STK3: variants seen among roughly 807,000 people sequenced by gnomAD.
The protein encoded by STK3 is serine/threonine-protein kinase 3.
A neutral mutation model predicts 58.0 loss-of-function variants in STK3; 41 were observed. The ratio of observed to expected loss-of-function variants is 0.71; its 90% CI spans 0.55 to 0.92. The LOEUF (loss-of-function observed/expected upper bound fraction) is 0.92. Among genes scored for constraint, STK3 ranks in the 40% least tolerant of loss-of-function variants. The pLI, the probability that STK3 is intolerant of heterozygous loss-of-function variation, is 0.00. For missense variants in STK3, 479 were observed against 602.7 expected (o/e 0.79, Z 2.15); for synonymous variants, 170 against 191.0 (o/e 0.89, Z 0.91).
rs56187203 is a variant in STK3 at position 98,915,432 on chromosome 8, CTATATATATATATATATATATATATA to C, written c.-79+26920_-79+26945del. 2.8e-4 allele frequency among the ~76,000 whole-genome samples: 27 copies of C among 94,752 alleles called. 2 individuals carry two copies. The highest frequency in any genetic ancestry group is 1.0e-3 in the African/African-American group (18 of 17,876). The allele number at this position is 94,752 out of a possible 152,430, so 62.2% of individuals were successfully genotyped here. ...GTGAGTTAATACTTAATAAACTTTC[CTATATATATATATATATATATATATA>C]TATATATATATAGTTCTGTCCTCTA... On this transcript the variant is annotated intron_variant, in intron 1 of 1. Transcript: ENST00000519420.
At chr8:98,436,229 C>A (rs1818484262) in intron 2 of STK3, among the ~76,000 whole-genome samples, 1 of 152,236 alleles carries the variant, frequency 6.6e-6, no homozygotes, top group African/African-American at 2.4e-5. Flanking sequence ...TCTGACCCCT[C>A]CCTCTTCCAT....
At chr8:98,562,474 T>C (rs903786989) in intron 8 of STK3, among the ~76,000 whole-genome samples, 1 of 151,840 alleles carries the variant, frequency 6.6e-6, no homozygotes, top group Non-Finnish European at 1.5e-5. Context: ...GCCAAAACTA[T>C]AAATGGTAAA....
rs574662537 is a variant in STK3, at chr8:98,851,836, ACAGT to A, written c.110+31807_110+31810del. On this transcript the variant is annotated intron_variant, in intron 3 of 12. Coordinates refer to the STK3 transcript ENST00000523601. ...TGTCTTTACAAAAACATTTTTTTAA[ACAGT>A]CAGGCATGGTGGTGCAAACCTGTAG... 1.4e-3 allele frequency among the ~76,000 whole-genome samples: 207 copies of A among 152,190 alleles called. 1 individual carries two copies. The highest frequency in any genetic ancestry group is 4.9e-3 in the African/African-American group (203 of 41,550).
chr8:98,425,049 G>A, intron 3 of STK3, among the ~76,000 whole-genome samples: 1 of 152,138 alleles, frequency 6.6e-6, no homozygotes, highest in East Asian at 1.9e-4. Flanking sequence ...GTGGAAGGGG[G>A]GATTGGAAAA....
At chr8:98,531,483 C>G (rs1826169407) in intron 9 of STK3, among the ~76,000 whole-genome samples, 1 of 152,154 alleles carries the variant, frequency 6.6e-6, no homozygotes. Context: ...GTGCTGCCAT[C>G]CAGGCTTCAT....
intron 3 of STK3, among the ~76,000 whole-genome samples, chr8:98,764,301 G>A (rs1345480001): frequency 6.6e-6 from 1 of 152,044 alleles, no homozygotes; most frequent in Non-Finnish European, 1.5e-5. Flanking sequence ...GATTTCCCTG[G>A]GGTTCCCTCA....
chr8:98,785,158 G>A (rs1832378254), intron 1 of STK3, among the ~76,000 whole-genome samples: 1 of 150,496 alleles, frequency 6.6e-6, no homozygotes, highest in South Asian at 2.1e-4. Flanking sequence ...CCTATGAAGA[G>A]ATCTGGGTAC....
intron 1 of STK3, among the ~76,000 whole-genome samples, chr8:98,788,191 C>A (rs1437085064): frequency 6.6e-6 from 1 of 152,010 alleles, no homozygotes; most frequent in Admixed American, 6.6e-5. Context: ...GGGGTAATCT[C>A]AATACTGGGA....
At chr8:98,696,430 G>T (rs923378390) in intron 6 of STK3, among the ~76,000 whole-genome samples, 64 of 151,410 alleles carry the variant, frequency 4.2e-4, no homozygotes, top group South Asian at 1.3e-3. Flanking sequence ...TCCCTGTCTT[G>T]TGCCAGTTTT....
intron 3 of STK3, among the ~76,000 whole-genome samples, chr8:98,864,176 C>A (rs189102349): frequency 8.3e-6 from 1 of 120,328 alleles, no homozygotes; most frequent in Admixed American, 1.2e-4. Context: ...CCAGCCTGGG[C>A]GACAGAGCGA....
chr8:98,758,933 T>C (rs1247852635), intron 3 of STK3, among the ~76,000 whole-genome samples: 3 of 152,220 alleles, frequency 2.0e-5, no homozygotes, highest in African/African-American at 4.8e-5. Context: ...TCAACCTTCA[T>C]AGAATTGAAG....
chr8:98,596,095 A>G lies in STK3; in HGVS notation c.759T>C (p.Asp253=), dbSNP rs754065361. 1.9e-6 allele frequency: 3 copies of G among 1,613,184 alleles called. No homozygotes were observed. In the African/African-American group the frequency reaches 4.0e-5, roughly 22 times the overall value. ...KPELWSDDFT[D]FVKKCLVKNP... The stretch of plus-strand genomic sequence containing the variant: ...TCTTCACCAAACACTTTTTAACAAA[A>G]TCGGTGAAATCATCGGACCAAAGTT... Residue 253 remains aspartate, a synonymous_variant, in exon 7 of 11, where the codon GAT becomes GAC. Coordinates refer to ENST00000419617, the MANE Select transcript of STK3 (RefSeq NM_006281.4).
At chr8:98,666,119 T>C (rs1476752802) in intron 6 of STK3, among the ~76,000 whole-genome samples, 1 of 151,830 alleles carries the variant, frequency 6.6e-6, no homozygotes, top group Non-Finnish European at 1.5e-5. Context: ...GAAAACTGAC[T>C]CCTCATTCAA....
chr8:98,619,404 G>A lies in STK3; in HGVS notation c.685-23235C>T, dbSNP rs895604279. 6.0e-4 allele frequency among the ~76,000 whole-genome samples: 90 copies of A among 150,604 alleles called. 3 individuals are homozygous for A. The highest frequency in any genetic ancestry group is 2.1e-3 in the African/African-American group (84 of 40,378). ...CATTACCATTCAGGACATAGGCGTG[G>A]GGAAGGACTTCATGTCCAAAACACC... On this transcript the variant is annotated intron_variant, in intron 6 of 10. Coordinates refer to ENST00000419617, the MANE Select transcript of STK3 (RefSeq NM_006281.4).
At chr8:98,703,984 A>C (rs1825793685) in intron 6 of STK3, among the ~76,000 whole-genome samples, 1 of 152,206 alleles carries the variant, frequency 6.6e-6, no homozygotes, top group Non-Finnish European at 1.5e-5. Context: ...TGTATTTTTA[A>C]TATTCTACAT....
chr8:98,399,310 A>G (rs1404627650), downstream of STK3, among the ~76,000 whole-genome samples: 1 of 152,280 alleles, frequency 6.6e-6, no homozygotes, highest in Non-Finnish European at 1.5e-5. Context: ...ATTGCTCACC[A>G]CATATGTTTC....
chr8:98,929,816 T>TAAACTCACTTGA (rs1335403474), intron 1 of STK3, among the ~76,000 whole-genome samples: 8 of 152,222 alleles, frequency 5.3e-5, no homozygotes, highest in African/African-American at 1.9e-4. Context: ...TGTCTTCCCA[T>TAAACTCACTTGA]AAACTCACTT....
At chr8:98,413,914 A>C in intron 3 of STK3, 1 of 427,278 alleles carries the variant, frequency 2.3e-6, no homozygotes, top group Non-Finnish European at 4.4e-6. Flanking sequence ...ACAGGGCCCT[A>C]TATTTATTTG....
chr8:98,804,069 T>C (rs1378853665), intron 1 of STK3, among the ~76,000 whole-genome samples: 1 of 152,146 alleles, frequency 6.6e-6, no homozygotes, highest in East Asian at 1.9e-4. Context: ...TGGTGCAATC[T>C]TGGCTCTCTG....
Sources: gnomAD v4.1 joint callset for allele counts (sites outside exome capture counted in the v4.1 genomes callset) on GRCh38, gnomAD v4.1.1 for gene constraint, MANE v1.5 for transcripts, NCBI Gene and HGNC (gene_info 2026-07-23, HGNC 2026-07-21) for gene names.